The following GABRG3 variants were observed in gnomAD, a reference collection of about 807,000 sequenced individuals.
GABRG3 encodes gamma-aminobutyric acid receptor subunit gamma-3.
Under a neutral mutation model 48.8 loss-of-function variants are expected in GABRG3, and 25 were observed. The ratio of observed to expected loss-of-function variants is 0.51; its 90% confidence interval spans 0.37 to 0.72. The LOEUF is 0.72. GABRG3 is among the 30% of genes least tolerant of loss of function. The pLI is 0.00. For missense variants in GABRG3, 394 were observed against 577.9 expected (o/e 0.68, Z 3.26); for synonymous variants, 227 against 217.6 (o/e 1.04, Z -0.38).
At chr15:27,168,031 A>G (rs1239465862) in intron 3 of GABRG3, among the ~76,000 whole-genome samples, 1 of 152,118 alleles carries the variant, frequency 6.6e-6, no homozygotes, top group African/African-American at 2.4e-5. Flanking sequence ...CTGTGTAGCC[A>G]TAGGAAGGTG....
intron 5 of GABRG3, among the ~76,000 whole-genome samples, chr15:27,348,712 G>T (rs1271017902): frequency 1.3e-5 from 2 of 152,156 alleles, no homozygotes; most frequent in Admixed American, 6.5e-5. Context: ...TAACATTTCA[G>T]ATGGGAGGTA....
At chr15:27,394,522 T>A (rs1200138544) in intron 5 of GABRG3, among the ~76,000 whole-genome samples, 1 of 152,176 alleles carries the variant, frequency 6.6e-6, no homozygotes. Flanking sequence ...TATATTTACC[T>A]ATATAATTAC....
intron 3 of GABRG3, among the ~76,000 whole-genome samples, chr15:27,099,989 G>T (rs1043901290): frequency 3.3e-5 from 5 of 151,988 alleles, no homozygotes; most frequent in Admixed American, 3.3e-4. Flanking sequence ...GGCCGAAGTG[G>T]GCAGATCATG....
At chr15:27,437,032 A>AGCGC (rs1555382029) in intron 5 of GABRG3, among the ~76,000 whole-genome samples, 1 of 144,866 alleles carries the variant, frequency 6.9e-6, no homozygotes. Flanking sequence ...AGAGAGAGAG[A>AGCGC]GCGCCCACAT....
intron 3 of GABRG3, among the ~76,000 whole-genome samples, chr15:27,080,129 C>T (rs1288587609): frequency 1.3e-5 from 2 of 152,090 alleles, no homozygotes; most frequent in East Asian, 3.9e-4. Context: ...CAAACCATTT[C>T]TGTAGCAAGG....
chr15:27,496,489 G>A (rs1890490213), intron 6 of GABRG3, among the ~76,000 whole-genome samples: 1 of 152,136 alleles, frequency 6.6e-6, no homozygotes, highest in South Asian at 2.1e-4. Context: ...GGCTTTTTCA[G>A]CCCCTATTCT....
intron 3 of GABRG3, among the ~76,000 whole-genome samples, chr15:27,307,380 TTTATATATAACCATATA>T (rs1427796179): frequency 0.021 from 305 of 14,380 alleles, 88 homozygotes; most frequent in African/African-American, 0.024. Context: ...GGTTTATATA[TTTATATATAACCATATA>T]GGTTTATATA....
intron 3 of GABRG3, among the ~76,000 whole-genome samples, chr15:27,267,146 G>A (rs185194203): frequency 0.02 from 2,381 of 121,932 alleles, 74 homozygotes; most frequent in African/African-American, 0.071. Flanking sequence ...TGCTCTTGTT[G>A]CCCAGGCTGG....
chr15:27,520,199 G>T, intron 7 of GABRG3, 75 bp downstream of exon 7: 1 of 1,327,640 alleles, frequency 7.5e-7, no homozygotes, highest in Middle Eastern at 1.8e-4. Context: ...TACCTTCAAT[G>T]TAAAAGACTA....
intron 5 of GABRG3, among the ~76,000 whole-genome samples, chr15:27,353,499 A>G (rs1310649295): frequency 6.6e-6 from 1 of 151,652 alleles, no homozygotes; most frequent in Non-Finnish European, 1.5e-5. Context: ...GCTGGAGTGC[A>G]ATGGCACGAT....
At chr15:27,117,843 T>A (rs1410671527) in intron 3 of GABRG3, among the ~76,000 whole-genome samples, 4 of 152,326 alleles carry the variant, frequency 2.6e-5, no homozygotes, top group African/African-American at 7.2e-5. Context: ...TGCTTATACA[T>A]TGGCTCTTCA....
chr15:27,306,231 CTA>C (rs1892429033), intron 3 of GABRG3, among the ~76,000 whole-genome samples: 1 of 83,598 alleles, frequency 1.2e-5, no homozygotes, highest in Non-Finnish European at 2.5e-5. Context: ...AACATATGTT[CTA>C]TATATAAACA....
chr15:27,107,664 T>C (rs1480003239), intron 3 of GABRG3, among the ~76,000 whole-genome samples: 1 of 152,046 alleles, frequency 6.6e-6, no homozygotes, highest in Non-Finnish European at 1.5e-5. Flanking sequence ...TGAAATAATC[T>C]GGGCTTTGTT....
intron 3 of GABRG3, among the ~76,000 whole-genome samples, chr15:27,262,229 C>A (rs868612971): frequency 6.6e-6 from 1 of 152,184 alleles, no homozygotes; most frequent in Admixed American, 6.5e-5. Context: ...GGCCCTCCCG[C>A]GCATTTGCGT....
At chr15:27,177,404 A>G (rs1333015928) in intron 3 of GABRG3, among the ~76,000 whole-genome samples, 1 of 152,232 alleles carries the variant, frequency 6.6e-6, no homozygotes, top group Non-Finnish European at 1.5e-5. Flanking sequence ...TAGAATAGCA[A>G]GCAGCTTATC....
At chr15:27,523,686 T>A (rs919374177) in intron 7 of GABRG3, among the ~76,000 whole-genome samples, 1 of 151,898 alleles carries the variant, frequency 6.6e-6, no homozygotes, top group Non-Finnish European at 1.5e-5. Flanking sequence ...AAGAACTCAA[T>A]GAAATTTTTA....
chr15:27,390,571 G>A (rs1381032749), intron 5 of GABRG3, among the ~76,000 whole-genome samples: 3 of 152,284 alleles, frequency 2.0e-5, no homozygotes, highest in East Asian at 3.9e-4. Context: ...GCAAGCCCAG[G>A]GAGCACTGGG....
intron 3 of GABRG3, among the ~76,000 whole-genome samples, chr15:27,305,516 A>G (rs1892372965): frequency 6.8e-6 from 1 of 146,190 alleles, no homozygotes; most frequent in Admixed American, 7.0e-5. Context: ...ATATATAAAC[A>G]TATATATAAT....
chr15:27,210,816 G>A (rs1237223228), intron 3 of GABRG3, among the ~76,000 whole-genome samples: 2 of 152,182 alleles, frequency 1.3e-5, no homozygotes, highest in South Asian at 2.1e-4. Context: ...GTGGGCTGGC[G>A]CTGTGTGAGC....
Sources: gnomAD v4.1 joint callset for allele counts (sites outside exome capture counted in the v4.1 genomes callset) on GRCh38, gnomAD v4.1.1 for gene constraint, MANE v1.5 for transcripts, NCBI Gene and HGNC (gene_info 2026-07-23, HGNC 2026-07-21) for gene names.